The following SLC8A3 variants were observed in gnomAD, a reference collection of about 807,000 sequenced individuals.
SLC8A3 encodes the protein solute carrier family 8 member A3.
Under a neutral mutation model 65.4 loss-of-function variants are expected in SLC8A3, and 37 were observed. The ratio of observed to expected loss-of-function variants is 0.57; its 90% CI spans 0.44 to 0.74. SLC8A3 has a LOEUF of 0.74. Ranked by LOEUF, SLC8A3 falls within the 30% of genes least tolerant of loss-of-function variation. SLC8A3 has a pLI of 0.00. For missense variants in SLC8A3, 1,112 were observed against 1,172.1 expected, an observed-to-expected ratio of 0.95 and a Z score of 0.75; for synonymous variants, 461 against 444.5, an observed-to-expected ratio of 1.04 and a Z score of -0.47.
chr14:70,102,270 C>T (rs1462005355), intron 2 of SLC8A3, among the ~76,000 whole-genome samples: 2 of 152,164 alleles, frequency 1.3e-5, no homozygotes, highest in South Asian at 2.1e-4. Context: ...CTAGGACTAA[C>T]TTTAAAACTA....
At chr14:70,056,918 C>A (rs1366475852) in intron 3 of SLC8A3, among the ~76,000 whole-genome samples, 1 of 152,204 alleles carries the variant, frequency 6.6e-6, no homozygotes, top group Non-Finnish European at 1.5e-5. Context: ...ACCACATTTT[C>A]ATTTCTATGA....
Position 70,166,908 on chromosome 14 carries a change from A to G in SLC8A3, c.1515T>C (p.Ser505=), listed in dbSNP as rs1262735879. Residue 505 remains serine (S), a synonymous_variant, in exon 2 of 7, where the codon AGT becomes AGC. Transcript: ENST00000356921. ...CTAGGACAGCCCGAGGCAAGGGAAG[A>G]CTGTTGAATATTGCTGGAGGCATCC... is the stretch of plus-strand genomic sequence containing the variant. ...EEGMPPAIFN[S]LPLPRAVLAS... The G allele has an allele frequency of 1.9e-6, 3 of 1,614,036 alleles. No individual in the cohort carries two copies. Among genetic ancestry groups the G allele is most frequent in the Admixed American group, 3.3e-5 (2 of 60,012 alleles).
intron 2 of SLC8A3, among the ~76,000 whole-genome samples, chr14:70,135,832 C>T (rs1348340728): frequency 6.6e-6 from 1 of 151,874 alleles, no homozygotes; most frequent in Non-Finnish European, 1.5e-5. Flanking sequence ...TTCTAGTATT[C>T]GATAGTACAG....
intron 2 of SLC8A3, among the ~76,000 whole-genome samples, chr14:70,094,562 A>C (rs913988831): frequency 3.9e-5 from 6 of 152,196 alleles, no homozygotes; most frequent in African/African-American, 1.4e-4. Flanking sequence ...CTGAGACCCA[A>C]ATTCTGGGTT....
intron 2 of SLC8A3, among the ~76,000 whole-genome samples, chr14:70,130,891 G>C (rs909965651): frequency 6.6e-6 from 1 of 152,204 alleles, no homozygotes; most frequent in Non-Finnish European, 1.5e-5. Context: ...AAAATATTCA[G>C]GTAGAAATGC....
chr14:70,094,985 A>G (rs1183718704), intron 2 of SLC8A3, among the ~76,000 whole-genome samples: 3 of 152,244 alleles, frequency 2.0e-5, no homozygotes. Context: ...AGCTGTGTCC[A>G]CATCCTGGCT....
At chr14:70,140,414 CCA>C (rs1443515854) in intron 2 of SLC8A3, among the ~76,000 whole-genome samples, 1 of 152,126 alleles carries the variant, frequency 6.6e-6, no homozygotes, top group African/African-American at 2.4e-5. Flanking sequence ...TTACCAAAAG[CCA>C]CACAAGAAGG....
chr14:70,158,002 A>T (rs146482020), intron 2 of SLC8A3, among the ~76,000 whole-genome samples: 2 of 152,370 alleles, frequency 1.3e-5, no homozygotes, highest in African/African-American at 4.8e-5. Context: ...AATAGTGTGA[A>T]GGAAAAGACT....
rs139070458 is a variant in SLC8A3, at chr14:70,050,131, C to G, written c.2113+877G>C. On this transcript the variant is annotated intron_variant, in intron 5 of 6. Coordinates refer to ENST00000356921, the MANE Select transcript of SLC8A3 (RefSeq NM_182932.3). ...TCTTATTTCTGAACCTCAGTCCCCT[C>G]CTTTGTAAAAGGAGCAGGGTAGATG... Among the ~76,000 whole-genome samples the G allele has an allele frequency of 9.5e-3, 1,446 of 152,302 alleles. 21 individuals carry two copies. The highest frequency in any genetic ancestry group is 0.033 in the African/African-American group (1,354 of 41,562).
intron 2 of SLC8A3, among the ~76,000 whole-genome samples, chr14:70,100,889 A>G (rs1892509429): frequency 6.6e-6 from 1 of 152,234 alleles, no homozygotes; most frequent in South Asian, 2.1e-4. Flanking sequence ...TCTGTGTCTC[A>G]CAATCTTTAT....
intron 1 of SLC8A3, among the ~76,000 whole-genome samples, chr14:70,173,204 T>A (rs1156635072): frequency 6.6e-6 from 1 of 152,148 alleles, no homozygotes; most frequent in African/African-American, 2.4e-5. Context: ...ACCTAAGGGT[T>A]TAGGATGGCT....
chr14:70,145,091 CA>C (rs1324925483), intron 2 of SLC8A3, among the ~76,000 whole-genome samples: 2 of 152,156 alleles, frequency 1.3e-5, no homozygotes, highest in African/African-American at 4.8e-5. Flanking sequence ...CAGGTGCTCA[CA>C]AATCATATTT....
chr14:70,058,080 G>A (rs533096473), intron 3 of SLC8A3, among the ~76,000 whole-genome samples: 1 of 152,204 alleles, frequency 6.6e-6, no homozygotes, highest in South Asian at 2.1e-4. Context: ...CTCATCCAGA[G>A]CTTTTAATCT....
At chr14:70,074,071 G>A (rs982385035) in intron 2 of SLC8A3, among the ~76,000 whole-genome samples, 1 of 152,216 alleles carries the variant, frequency 6.6e-6, no homozygotes, top group Non-Finnish European at 1.5e-5. Context: ...CTACACTAAA[G>A]CAAAGCTGCA....
intron 3 of SLC8A3, among the ~76,000 whole-genome samples, chr14:70,055,262 C>T (rs1475020041): frequency 6.6e-6 from 1 of 152,138 alleles, no homozygotes; most frequent in Non-Finnish European, 1.5e-5. Context: ...AAAATTCTAG[C>T]AATTTAAGTC....
intron 2 of SLC8A3, among the ~76,000 whole-genome samples, chr14:70,138,877 G>T (rs1895390806): frequency 6.6e-6 from 1 of 152,208 alleles, no homozygotes. Flanking sequence ...TGTAGGTTAA[G>T]CAAAGAGGAA....
Position 70,045,651 on chromosome 14 carries a change from C to T in SLC8A3, c.*296G>A, listed in dbSNP as rs1886676734. The T allele has an allele frequency of 3.4e-6, 1 of 293,952 alleles. No individual in the cohort carries two copies. The highest frequency in any genetic ancestry group is 6.4e-6 in the Non-Finnish European group (1 of 156,070). 18.2% of individuals were successfully genotyped at this position (293,952 alleles called of 1,614,324 possible). On this transcript the variant is annotated 3_prime_UTR_variant, in exon 7 of 7. Transcript: ENST00000356921. ...AATAGAAGGAGGCGAAAGGCTCTGA[C>T]CTTTGCTTTGGGTCAGGGATATGAG...
chr14:70,112,617 C>G (rs1474031839), intron 2 of SLC8A3, among the ~76,000 whole-genome samples: 1 of 152,188 alleles, frequency 6.6e-6, no homozygotes, highest in Non-Finnish European at 1.5e-5. Flanking sequence ...AGACACCTCT[C>G]CATCCTGAAT....
intron 2 of SLC8A3, among the ~76,000 whole-genome samples, chr14:70,071,167 G>C (rs562899959): frequency 1.3e-5 from 2 of 152,222 alleles, no homozygotes; most frequent in Non-Finnish European, 1.5e-5. Context: ...GGAAAAAAAG[G>C]CTTCAAGATT....
Sources: gnomAD v4.1 joint callset for allele counts (sites outside exome capture counted in the v4.1 genomes callset) on GRCh38, gnomAD v4.1.1 for gene constraint, MANE v1.5 for transcripts, NCBI Gene and HGNC (gene_info 2026-07-23, HGNC 2026-07-21) for gene names.